Variants in RIPPLY3 observed in about 807,000 individuals in gnomAD.
The protein encoded by RIPPLY3 is protein ripply3.
In RIPPLY3, 8 loss-of-function variants were observed where a neutral mutation model predicts 11.9. That is an observed-to-expected ratio of 0.67 (90% confidence interval 0.40 to 1.21). The LOEUF is 1.21. RIPPLY3 is among the 50% of genes most tolerant of loss of function. The pLI is 0.01. For synonymous variants in RIPPLY3, 102 were observed against 99.0 expected, an observed-to-expected ratio of 1.03 and a Z score of -0.18; for missense variants, 271 against 246.0, an observed-to-expected ratio of 1.10 and a Z score of -0.68.
chr21:37,006,524 C>T, upstream of RIPPLY3: 1 of 344,258 alleles, frequency 2.9e-6, no homozygotes. This position sits in a 1 kb window ranked among gnomAD's most constrained non-coding sequence, Gnocchi z 5.2. Flanking sequence ...TCCCCGGCTC[C>T]CTGGTCCCCT....
chr21:37,011,449 G>A (rs913411397), intron 2 of RIPPLY3, among the ~76,000 whole-genome samples: 4 of 152,208 alleles, frequency 2.6e-5, no homozygotes, highest in Admixed American at 2.0e-4. Flanking sequence ...TGCCACTGCC[G>A]AGTTAGGCCC....
Position 37,013,621 on chromosome 21 carries a change from AAT to A in RIPPLY3, c.239+7_239+8del. 6.2e-7 allele frequency: 1 copy of A among 1,609,990 alleles called. No homozygotes were observed. Among genetic ancestry groups the A allele is most frequent in the Non-Finnish European group, 8.5e-7 (1 of 1,176,644 alleles). ...TTTGGGTTTCAGCATCCTGTAAGGT[AAT>A]ATACGACTTCACAATAAGTAATCTG... On this transcript the variant is annotated splice_donor_5th_base_variant and intron_variant, in intron 3 of 3. Transcript: ENST00000329553.
intron 3 of RIPPLY3, among the ~76,000 whole-genome samples, chr21:37,015,057 T>C (rs934877590): frequency 4.6e-5 from 7 of 152,192 alleles, no homozygotes; most frequent in African/African-American, 1.7e-4. Flanking sequence ...CTCATAGAAT[T>C]ACTAGTGGAG....
chr21:37,011,997 G>A (rs978941286), intron 2 of RIPPLY3, among the ~76,000 whole-genome samples: 1 of 149,350 alleles, frequency 6.7e-6, no homozygotes, highest in Admixed American at 6.7e-5. Flanking sequence ...GCTCCTTACA[G>A]GCGAATTTGC....
intron 2 of RIPPLY3, among the ~76,000 whole-genome samples, chr21:37,010,111 A>G (rs769837805): frequency 5.3e-5 from 8 of 152,302 alleles, no homozygotes; most frequent in Middle Eastern, 3.4e-3. Flanking sequence ...GTATTTCTCA[A>G]AAATGCCATT....
In RIPPLY3 at chr21:37,018,475, A is replaced by G. The variant is rs936672323; in HGVS notation, c.*268A>G. ...TATGTCAACAGAGTTGTTATCTCAT[A>G]GAGCCAGTTTTCAAAGCTCCTTCTG... On this transcript the variant is annotated 3_prime_UTR_variant, in exon 4 of 4. Transcript: ENST00000329553. 1.5e-5 allele frequency: 7 copies of G among 452,476 alleles called. No homozygotes were observed. Among genetic ancestry groups the G allele is most frequent in the Non-Finnish European group, 2.8e-5 (7 of 252,494 alleles). The allele number at this position is 452,476 out of a possible 1,614,324, so 28.0% of individuals were successfully genotyped here.
chr21:37,013,540 T>C lies in RIPPLY3; in HGVS notation c.172-11T>C. On this transcript the variant is annotated splice_polypyrimidine_tract_variant and intron_variant, in intron 2 of 3. Transcript: ENST00000329553. ...CACTGTCTCTGTGTTTGTATGTGTC[T>C]GTCGTTACAGCTTGAACCTAGGGCT... 2 of 1,612,828 alleles carry C rather than the reference T, an allele frequency of 1.2e-6. No individual in the cohort carries two copies. Among genetic ancestry groups the C allele is most frequent in the Non-Finnish European group, 1.7e-6 (2 of 1,178,976 alleles).
chr21:37,006,988 G>T lies in RIPPLY3; in HGVS notation c.104+112G>T, dbSNP rs2069471197. 1 of 598,714 alleles carries T rather than the reference G, an allele frequency of 1.7e-6. No individual in the cohort carries two copies. The highest frequency in any genetic ancestry group is 2.4e-6 in the Non-Finnish European group (1 of 420,362). The allele number at this position is 598,714 out of a possible 1,614,324, so 37.1% of individuals were successfully genotyped here. On this transcript the variant is annotated intron_variant, in intron 1 of 3. Transcript: ENST00000329553. This position sits in a 1 kb window ranked among gnomAD's most constrained non-coding sequence, Gnocchi z 5.2. ...GCTGCTGAACCCCCGATCCCCAGCG[G>T]AGCTCCGGAGCTCGACGGCGACGCC... is the stretch of plus-strand genomic sequence containing the variant.
Position 37,017,969 on chromosome 21 carries a change from A to G in RIPPLY3, c.335A>G (p.Tyr112Cys). 1.2e-6 allele frequency: 2 copies of G among 1,613,506 alleles called. No homozygotes were observed. The highest frequency in any genetic ancestry group is 1.7e-6 in the Non-Finnish European group (2 of 1,179,392). Residue 112 changes from tyrosine (Y) to cysteine (C), a missense_variant, in exon 4 of 4, where the codon TAC (tyrosine) becomes TGC (cysteine). Transcript: ENST00000329553. ...CCAGTGCAAGCCACGATTGACTTCTACGACGATGAGTCTACTGAGTCTGCT... is the reference window on the plus strand; with the variant it reads ...CCAGTGCAAGCCACGATTGACTTCTGCGACGATGAGTCTACTGAGTCTGCT... ...SFPVQATIDF[Y>C]DDESTESASE...
chr21:37,007,190 A>T (rs1055820879), intron 1 of RIPPLY3, among the ~76,000 whole-genome samples: 17 of 151,758 alleles, frequency 1.1e-4, no homozygotes, highest in African/African-American at 4.1e-4. Flanking sequence ...TCGGGCTCCT[A>T]AGCCAGCCTT....
intron 3 of RIPPLY3, among the ~76,000 whole-genome samples, chr21:37,015,355 G>A (rs1460233416): frequency 6.6e-6 from 1 of 152,082 alleles, no homozygotes; most frequent in African/African-American, 2.4e-5. Flanking sequence ...ATAGAGGTGG[G>A]GTTTCACCAT....
chr21:37,018,310 C>A lies in RIPPLY3; in HGVS notation c.*103C>A. The stretch of plus-strand genomic sequence containing the variant: ...CGCATCCCTGCTGAGTGTGCAGAGG[C>A]TAGAGGCTTCTCGGGCAGCCCCTGG... On this transcript the variant is annotated 3_prime_UTR_variant, in exon 4 of 4. Transcript: ENST00000329553. 1.0e-6 allele frequency: 1 copy of A among 962,372 alleles called. No individual in the cohort carries two copies. Among genetic ancestry groups the A allele is most frequent in the East Asian group, 2.5e-5 (1 of 39,778 alleles). 59.6% of individuals were successfully genotyped at this position (962,372 alleles called of 1,614,324 possible).
chr21:37,014,426 C>T (rs997343907), intron 3 of RIPPLY3, among the ~76,000 whole-genome samples: 4 of 152,144 alleles, frequency 2.6e-5, no homozygotes, highest in African/African-American at 9.7e-5. Flanking sequence ...GTGTCATGGT[C>T]CTGGTGGTGA....
chr21:37,008,186 C>T lies in RIPPLY3; in HGVS notation c.134C>T (p.Thr45Ile). Residue 45 changes from threonine (T) to isoleucine (I), a missense_variant, in exon 2 of 4, where the codon ACA becomes ATA. Coordinates refer to ENST00000329553, the MANE Select transcript of RIPPLY3 (RefSeq NM_018962.3). ...SPAPWRPWIQ[T>I]PGDAELTRTG... ...GCGCCGTGGCGACCTTGGATCCAGA[C>T]ACCTGGAGATGCTGAGCTGACCAGA... 1.9e-6 allele frequency: 3 copies of T among 1,614,160 alleles called. No homozygotes were observed. Among genetic ancestry groups the T allele is most frequent in the Non-Finnish European group, 2.5e-6 (3 of 1,180,020 alleles).
intron 1 of RIPPLY3, among the ~76,000 whole-genome samples, chr21:37,007,569 CG>C: frequency 6.6e-6 from 1 of 151,914 alleles, no homozygotes; most frequent in Admixed American, 6.6e-5. Flanking sequence ...CCACCACGCC[CG>C]GCTAATTTTT....
intron 1 of RIPPLY3, among the ~76,000 whole-genome samples, chr21:37,007,769 A>C (rs1410725906): frequency 1.3e-5 from 2 of 152,124 alleles, no homozygotes; most frequent in African/African-American, 2.4e-5. Flanking sequence ...CTGTAGAATC[A>C]ATCTCCTTCC....
intron 2 of RIPPLY3, among the ~76,000 whole-genome samples, chr21:37,008,816 T>G (rs1353642831): frequency 1.4e-5 from 2 of 147,182 alleles, no homozygotes; most frequent in Admixed American, 6.8e-5. Flanking sequence ...AGGAATGTCC[T>G]CCCTGTTGCG....
At chr21:37,011,685 G>T (rs959747414) in intron 2 of RIPPLY3, among the ~76,000 whole-genome samples, 1 of 152,128 alleles carries the variant, frequency 6.6e-6, no homozygotes, top group Non-Finnish European at 1.5e-5. Context: ...ATATGGCTGG[G>T]GCCGGGCGCG....
Position 37,018,016 on chromosome 21 carries a change from G to C in RIPPLY3, c.382G>C (p.Glu128Gln), listed in dbSNP as rs1438753654. Residue 128 changes from glutamate (E) to glutamine (Q), a missense_variant, in exon 4 of 4, where the codon GAA becomes CAA. Transcript: ENST00000329553. ...TGCTTCCGAAGCTGAAGAGCCAGAGGAAGGACCCCCACCCCTCCATCTTCT... is the reference window on the plus strand; with the variant it reads ...TGCTTCCGAAGCTGAAGAGCCAGAGCAAGGACCCCCACCCCTCCATCTTCT... ...ESASEAEEPE[E>Q]GPPPLHLLPQ... 1 of 1,614,124 alleles carries C rather than the reference G, an allele frequency of 6.2e-7. No individual in the cohort carries two copies. Among genetic ancestry groups the C allele is most frequent in the East Asian group, 2.2e-5 (1 of 44,886 alleles).
Sources: allele counts gnomAD v4.1 joint callset (sites outside exome capture counted in the v4.1 genomes callset), GRCh38; gene constraint gnomAD v4.1.1; non-coding constraint Gnocchi (gnomAD v3.1); transcripts MANE v1.5; gene names NCBI Gene and HGNC (gene_info 2026-07-23, HGNC 2026-07-21).